Variants in LMNTD1 observed in about 807,000 individuals in gnomAD.
LMNTD1 encodes lamin tail domain-containing protein 1.
LMNTD1 carries 35 observed loss-of-function variants against 50.9 expected under a neutral mutation model. The ratio of observed to expected loss-of-function variants is 0.69; its 90% CI spans 0.53 to 0.91. The LOEUF (loss-of-function observed/expected upper bound fraction) is 0.91. Among genes scored for constraint, LMNTD1 ranks in the 40% least tolerant of loss-of-function variants. LMNTD1 has a pLI of 0.00. For missense variants in LMNTD1, 470 were observed against 475.5 expected, an observed-to-expected ratio of 0.99 and a Z score of 0.11; for synonymous variants, 153 against 161.9, an observed-to-expected ratio of 0.94 and a Z score of 0.42.
intron 4 of LMNTD1, among the ~76,000 whole-genome samples, chr12:25,532,678 C>T (rs1366797329): frequency 6.6e-6 from 1 of 152,144 alleles, no homozygotes; most frequent in East Asian, 1.9e-4. Context: ...TATGAGAATG[C>T]CTTTTTTACA....
intron 1 of LMNTD1, among the ~76,000 whole-genome samples, chr12:25,619,366 T>C (rs948494686): frequency 6.6e-6 from 1 of 151,974 alleles, no homozygotes; most frequent in African/African-American, 2.4e-5. Context: ...TGACTTAAAA[T>C]GTAAAAGTTC....
At position 25,549,457 on chromosome 12, in the gene LMNTD1, G is replaced by C. The variant is rs772608074; in HGVS notation, c.179C>G (p.Ser60Ter). The change falls in exon 3 of 10, where the codon TCA becomes TGA. Residue 60 changes from serine (S) to a stop codon, truncating the protein, a stop_gained. Coordinates refer to ENST00000458174, the MANE Select transcript of LMNTD1 (RefSeq NM_001145728.2). LOFTEE classifies it high-confidence loss of function. Reference sequence around the variant, plus strand: ...ACCAAGAGGCATTCCACTGGAATTTGAAGATGACAATGGCAGTGTTGTGGC... The same window carrying C: ...ACCAAGAGGCATTCCACTGGAATTTCAAGATGACAATGGCAGTGTTGTGGC... Reference protein sequence around the residue: ...SVATTLPLSSSNSSGMPLGYY... With the variant: ...SVATTLPLSS 1 of 1,613,246 alleles carries C rather than the reference G, an allele frequency of 6.2e-7. No homozygotes were observed. The highest frequency in any genetic ancestry group is 1.1e-5 in the South Asian group (1 of 91,020).
intron 1 of LMNTD1, among the ~76,000 whole-genome samples, chr12:25,618,235 A>G (rs1461684771): frequency 5.3e-5 from 8 of 152,150 alleles, no homozygotes; most frequent in African/African-American, 1.9e-4. Context: ...CCCATTAGTC[A>G]GTAGGGGAGC....
At chr12:25,495,351 T>G (rs1046145454) in intron 9 of LMNTD1, among the ~76,000 whole-genome samples, 1 of 151,828 alleles carries the variant, frequency 6.6e-6, no homozygotes, top group African/African-American at 2.4e-5. Context: ...TTGGATTTAT[T>G]TTTCATTGTA....
At chr12:25,591,849 G>A (rs1945708322) in intron 1 of LMNTD1, among the ~76,000 whole-genome samples, 1 of 151,428 alleles carries the variant, frequency 6.6e-6, no homozygotes, top group Admixed American at 6.6e-5. Flanking sequence ...GAGAGAGAGA[G>A]AGAGAGAGAC....
At chr12:25,478,053 G>A (rs1345940919) in intron 9 of LMNTD1, among the ~76,000 whole-genome samples, 2 of 152,076 alleles carry the variant, frequency 1.3e-5, no homozygotes, top group African/African-American at 4.8e-5. Context: ...TAGCCGTACT[G>A]GCAGCTGATT....
chr12:25,499,086 T>C (rs1042678604), intron 9 of LMNTD1, among the ~76,000 whole-genome samples: 3 of 152,186 alleles, frequency 2.0e-5, no homozygotes, highest in Non-Finnish European at 4.4e-5. Flanking sequence ...TTTTGTTGTC[T>C]TTTCAGACAG....
At chr12:25,620,867 A>G (rs1048499398) in intron 1 of LMNTD1, among the ~76,000 whole-genome samples, 40 of 152,176 alleles carry the variant, frequency 2.6e-4, no homozygotes, top group African/African-American at 9.2e-4. Flanking sequence ...GCGCTCTACC[A>G]TCGTTCTATC....
chr12:25,621,170 G>C (rs539654597), intron 1 of LMNTD1, among the ~76,000 whole-genome samples: 73 of 152,300 alleles, frequency 4.8e-4, no homozygotes, highest in Non-Finnish European at 7.4e-4. Flanking sequence ...GTTAACACAT[G>C]TTAACTAATA....
chr12:25,550,864 A>G (rs1943702137), intron 2 of LMNTD1, among the ~76,000 whole-genome samples: 1 of 152,230 alleles, frequency 6.6e-6, no homozygotes, highest in Non-Finnish European at 1.5e-5. Flanking sequence ...GCAAATTTTT[A>G]AAATAATTAA....
intron 1 of LMNTD1, among the ~76,000 whole-genome samples, chr12:25,615,684 C>A (rs1946340239): frequency 1.3e-5 from 2 of 152,098 alleles, no homozygotes; most frequent in South Asian, 4.1e-4. Flanking sequence ...TGGTCTCAAA[C>A]TTCTGAGTTC....
intron 1 of LMNTD1, among the ~76,000 whole-genome samples, chr12:25,586,313 C>A (rs578180942): frequency 1.3e-5 from 2 of 152,252 alleles, no homozygotes; most frequent in South Asian, 4.2e-4. Flanking sequence ...ATCACCAACT[C>A]TTAACCACTC....
intron 1 of LMNTD1, among the ~76,000 whole-genome samples, chr12:25,569,005 TG>T (rs1328387456): frequency 6.6e-6 from 1 of 152,244 alleles, no homozygotes; most frequent in Non-Finnish European, 1.5e-5. Context: ...ACTGAAGCAC[TG>T]CCTGGTGGAG....
chr12:25,558,618 T>C (rs1468854834), intron 1 of LMNTD1, among the ~76,000 whole-genome samples: 1 of 152,214 alleles, frequency 6.6e-6, no homozygotes, highest in African/African-American at 2.4e-5. Context: ...GGGTAATTTA[T>C]AAAGAAAAGA....
rs538632975 is a variant in LMNTD1, at chr12:25,596,615, A to G, written c.59-50061T>C. 1.3e-4 allele frequency among the ~76,000 whole-genome samples: 20 copies of G among 152,210 alleles called. No individual in the cohort carries two copies. The South Asian group carries it at 3.9e-3, about 30-fold the overall frequency. On this transcript the variant is annotated intron_variant, in intron 1 of 7. Transcript: ENST00000445693. Reference sequence around the variant, plus strand: ...GAAATAAACACTGTTCCAGACAATCAAAGGCTGAGGGATTTCAACACCAGA... The same window carrying G: ...GAAATAAACACTGTTCCAGACAATCGAAGGCTGAGGGATTTCAACACCAGA...
intron 8 of LMNTD1, among the ~76,000 whole-genome samples, chr12:25,516,765 C>T (rs142125654): frequency 2.0e-5 from 3 of 151,778 alleles, no homozygotes; most frequent in African/African-American, 7.2e-5. Flanking sequence ...TCAGAGTGAA[C>T]AGGCAACCTA....
At chr12:25,622,463 G>GCTCC (rs1555124240) in intron 1 of LMNTD1, among the ~76,000 whole-genome samples, 4 of 111,216 alleles carry the variant, frequency 3.6e-5, no homozygotes, top group African/African-American at 9.0e-5. Flanking sequence ...GAGTTTGTGA[G>GCTCC]CCCGCCCCCC....
chr12:25,553,005 A>G lies in LMNTD1; in HGVS notation c.-30-16T>C, dbSNP rs757609517. On this transcript the variant is annotated splice_polypyrimidine_tract_variant and intron_variant, in intron 1 of 9. Transcript: ENST00000458174. ...CTTTTCTTTCCTAGGAAAGCAGATCATGACATCAGATGACGAATATGGCTG... is the reference window on the plus strand; with the variant it reads ...CTTTTCTTTCCTAGGAAAGCAGATCGTGACATCAGATGACGAATATGGCTG... The G allele has an allele frequency of 1.5e-5, 24 of 1,605,260 alleles. No homozygotes were observed. The highest frequency in any genetic ancestry group is 1.8e-5 in the Non-Finnish European group (21 of 1,172,260).
intron 9 of LMNTD1, among the ~76,000 whole-genome samples, chr12:25,481,841 A>G (rs1938454380): frequency 6.8e-6 from 1 of 146,634 alleles, no homozygotes; most frequent in Non-Finnish European, 1.5e-5. Context: ...TGAGGTCATC[A>G]ACATATAGTA....
Sources: gnomAD v4.1 joint callset for allele counts (sites outside exome capture counted in the v4.1 genomes callset) on GRCh38, gnomAD v4.1.1 for gene constraint, MANE v1.5 for transcripts, NCBI Gene and HGNC (gene_info 2026-07-23, HGNC 2026-07-21) for gene names.